The following UBE2K variants were observed in gnomAD, a reference collection of about 807,000 sequenced individuals.
UBE2K encodes the protein ubiquitin-conjugating enzyme E2 K.
UBE2K carries 6 observed loss-of-function variants against 30.0 expected under a neutral mutation model. The ratio of observed to expected loss-of-function variants is 0.20; its 90% CI spans 0.11 to 0.39. UBE2K has a LOEUF of 0.39. UBE2K is among the 10% of genes least tolerant of loss of function. UBE2K has a pLI of 1.00. For missense variants in UBE2K, 61 were observed against 241.6 expected (o/e 0.25, Z 4.96); for synonymous variants, 86 against 83.7 (o/e 1.03, Z -0.15).
intron 2 of UBE2K, among the ~76,000 whole-genome samples, chr4:39,744,256 T>C (rs1401946118): frequency 1.3e-5 from 2 of 152,068 alleles, no homozygotes; most frequent in Admixed American, 6.6e-5. Context: ...CACTGCAAGC[T>C]CCGCCTCCCA....
At chr4:39,741,226 G>A (rs936805372) in intron 2 of UBE2K, among the ~76,000 whole-genome samples, 12 of 151,838 alleles carry the variant, frequency 7.9e-5, no homozygotes, top group African/African-American at 2.4e-4. Context: ...AGCTGAGATC[G>A]CACCACTGCA....
intron 4 of UBE2K, among the ~76,000 whole-genome samples, chr4:39,760,404 G>C (rs1711846200): frequency 6.6e-6 from 1 of 152,060 alleles, no homozygotes; most frequent in Non-Finnish European, 1.5e-5. Context: ...AAATAACTTA[G>C]ATGTCTCATC....
chr4:39,698,871 G>A, intron 1 of UBE2K, among the ~76,000 whole-genome samples: 1 of 152,158 alleles, frequency 6.6e-6, no homozygotes, highest in East Asian at 1.9e-4. Context: ...TCTTTTCTTG[G>A]GGAAGGAGCA....
At chr4:39,771,565 A>C (rs1253035317) in intron 4 of UBE2K, among the ~76,000 whole-genome samples, 1 of 151,934 alleles carries the variant, frequency 6.6e-6, no homozygotes, top group Non-Finnish European at 1.5e-5. Flanking sequence ...ATGTAGGCGC[A>C]GGGCGGGAGG....
intron 3 of UBE2K, 56 bp downstream of exon 3, chr4:39,745,866 T>C: frequency 7.7e-7 from 1 of 1,299,570 alleles, no homozygotes; most frequent in South Asian, 1.4e-5. Context: ...ATTTCTGACC[T>C]CATTTTATTA....
At position 39,698,204 on chromosome 4, in the gene UBE2K, G is replaced by GCAGT; in HGVS notation, c.-123_-120dup. ...GAGCGCGGCGGCCGGGGTGGTAGTG[G>GCAGT]CAGTGTTCGTGTGCTCAGGTCTGAA... On this transcript the variant is annotated 5_prime_UTR_variant, in exon 1 of 7. Transcript: ENST00000261427. 1 of 916,868 alleles carries GCAGT rather than the reference G, an allele frequency of 1.1e-6. No individual in the cohort carries two copies. The highest frequency in any genetic ancestry group is 2.0e-5 in the Admixed American group (1 of 50,018). 56.8% of individuals were successfully genotyped at this position (916,868 alleles called of 1,614,324 possible).
At chr4:39,716,554 G>A (rs12513088) in intron 1 of UBE2K, among the ~76,000 whole-genome samples, 43,805 of 152,130 alleles carry the variant, frequency 0.29, 7,903 homozygotes, top group Admixed American at 0.46. Flanking sequence ...CAGCCCAGAT[G>A]GACTATTTGT....
At chr4:39,755,566 T>G (rs1482912463) in intron 3 of UBE2K, 91 bp from the exon 4 acceptor site, 3 of 1,015,682 alleles carry the variant, frequency 3.0e-6, no homozygotes, top group Admixed American at 4.5e-5. Context: ...GGACCTTTCT[T>G]TTTTTAGTTT....
chr4:39,773,725 T>A (rs1053046205), intron 4 of UBE2K, among the ~76,000 whole-genome samples: 2 of 151,606 alleles, frequency 1.3e-5, no homozygotes, highest in African/African-American at 2.4e-5. Flanking sequence ...ATCGAGACCA[T>A]CCTGGCTAAC....
intron 3 of UBE2K, among the ~76,000 whole-genome samples, chr4:39,755,061 G>C (rs1721458246): frequency 6.6e-6 from 1 of 152,148 alleles, no homozygotes; most frequent in Non-Finnish European, 1.5e-5. Context: ...ATCAGATTGT[G>C]GGAGTTTACA....
At chr4:39,753,607 G>C (rs1037013446) in intron 3 of UBE2K, among the ~76,000 whole-genome samples, 1 of 152,158 alleles carries the variant, frequency 6.6e-6, no homozygotes, top group South Asian at 2.1e-4. Context: ...GGAAACTGCA[G>C]GTGTGTGGAA....
Position 39,733,332 on chromosome 4 carries a change from A to AT in UBE2K, c.64-4069dup, listed in dbSNP as rs34069872. On this transcript the variant is annotated intron_variant, in intron 1 of 6. Coordinates refer to ENST00000261427, the MANE Select transcript of UBE2K (RefSeq NM_005339.5). Reference sequence around the variant, plus strand: ...ATTAATTTTGTAAAATCGGGCTTTAATTTTTTTTTTTTTTTTTTTGAGACA... The same window carrying AT: ...ATTAATTTTGTAAAATCGGGCTTTAATTTTTTTTTTTTTTTTTTTTGAGACA... 3.5e-3 allele frequency among the ~76,000 whole-genome samples: 448 copies of AT among 128,980 alleles called. 10 individuals are homozygous for AT. The highest frequency in any genetic ancestry group is 7.3e-3 in the African/African-American group (256 of 34,858). 84.6% of individuals were successfully genotyped at this position (128,980 alleles called of 152,430 possible).
intron 1 of UBE2K, among the ~76,000 whole-genome samples, chr4:39,698,769 G>C (rs1053447932): frequency 1.3e-5 from 2 of 152,216 alleles, no homozygotes; most frequent in Non-Finnish European, 2.9e-5. Context: ...GGGGGAAGGG[G>C]AAAGGTGGTA....
At chr4:39,750,777 G>T (rs1721214726) in intron 3 of UBE2K, among the ~76,000 whole-genome samples, 2 of 148,402 alleles carry the variant, frequency 1.3e-5, no homozygotes, top group Non-Finnish European at 3.0e-5. Context: ...ACAGGGTCTT[G>T]CTGTGTTGCC....
chr4:39,771,458 T>G, intron 4 of UBE2K: 1 of 1,563,650 alleles, frequency 6.4e-7, no homozygotes, highest in Non-Finnish European at 8.6e-7. Context: ...TGGGCAACCC[T>G]GGCCCGGTTC....
At chr4:39,703,844 CAAAAAAA>C (rs33995934) in intron 1 of UBE2K, among the ~76,000 whole-genome samples, 23,485 of 105,602 alleles carry the variant, frequency 0.22, 3,735 homozygotes, top group African/African-American at 0.48. Context: ...GACTCCATCT[CAAAAAAA>C]AAAAAAAAAA....
chr4:39,769,105 TAC>T (rs1712553922), intron 4 of UBE2K, among the ~76,000 whole-genome samples: 1 of 152,054 alleles, frequency 6.6e-6, no homozygotes, highest in Admixed American at 6.6e-5. Flanking sequence ...GTATTGGGAT[TAC>T]AGACATGAGC....
chr4:39,747,410 T>C (rs1351679896), intron 3 of UBE2K, among the ~76,000 whole-genome samples: 1 of 152,208 alleles, frequency 6.6e-6, no homozygotes, highest in Non-Finnish European at 1.5e-5. Flanking sequence ...CCGAGTTTGA[T>C]TAATTCAGAA....
chr4:39,728,994 A>T (rs1035838257), intron 1 of UBE2K, among the ~76,000 whole-genome samples: 6 of 116,170 alleles, frequency 5.2e-5, no homozygotes, highest in Non-Finnish European at 1.0e-4. Context: ...TTTTTTAAGG[A>T]GTCTTACTTT....
Sources: gnomAD v4.1 joint callset for allele counts (sites outside exome capture counted in the v4.1 genomes callset) on GRCh38, gnomAD v4.1.1 for gene constraint, MANE v1.5 for transcripts, NCBI Gene and HGNC (gene_info 2026-07-23, HGNC 2026-07-21) for gene names.